Variants in COG6 observed in about 807,000 individuals in gnomAD.
COG6 encodes component of oligomeric golgi complex 6, also known as conserved oligomeric Golgi complex subunit 6.
A neutral mutation model predicts 88.8 loss-of-function variants in COG6; 74 were observed. The ratio of observed to expected loss-of-function variants is 0.83; its 90% confidence interval spans 0.69 to 1.01. COG6 has a LOEUF of 1.01. Ranked by LOEUF, COG6 falls within the 50% of genes least tolerant of loss-of-function variation. The pLI is 0.00. For synonymous variants in COG6, 286 were observed against 278.7 expected, an observed-to-expected ratio of 1.03 and a Z score of -0.26; for missense variants, 800 against 797.9, an observed-to-expected ratio of 1.00 and a Z score of -0.03.
Position 39,659,244 on chromosome 13 carries a change from T to C in COG6, c.154-120T>C, listed in dbSNP as rs1289663464. 3.3e-6 allele frequency: 3 copies of C among 900,422 alleles called. No individual in the cohort carries two copies. In the East Asian group the frequency reaches 7.9e-5, roughly 24 times the overall value. 55.8% of individuals were successfully genotyped at this position (900,422 alleles called of 1,614,324 possible). ...TCAGTAATTTGAAGGTCATTCAATA[T>C]TTTTCGGATTGGTTAATGAAAATAA... On this transcript the variant is annotated intron_variant, in intron 1 of 18. Coordinates refer to ENST00000455146, the MANE Select transcript of COG6 (RefSeq NM_020751.3).
Position 39,682,214 on chromosome 13 carries a change from A to C in COG6, c.738A>C (p.Pro246=). The change falls in exon 8 of 19, where the codon CCA becomes CCC. Residue 246 remains proline, a synonymous_variant. Coordinates refer to ENST00000455146, the MANE Select transcript of COG6 (RefSeq NM_020751.3). ...TLTQESCDVS[P]VLTQAMEALQ... The stretch of plus-strand genomic sequence containing the variant: ...CACAAGAATCATGTGACGTATCTCC[A>C]GTATTGACACAGGCAATGGAAGCCC... 4 of 1,612,924 alleles carry C rather than the reference A, an allele frequency of 2.5e-6. No individual in the cohort carries two copies. Among genetic ancestry groups the C allele is most frequent in the Non-Finnish European group, 3.4e-6 (4 of 1,178,996 alleles).
chr13:39,687,844 A>G (rs772332484), intron 10 of COG6, 45 bp downstream of exon 10: 4 of 1,307,034 alleles, frequency 3.1e-6, no homozygotes, highest in African/African-American at 1.5e-5. Flanking sequence ...ATAGAAAATA[A>G]CACAAGCATC....
chr13:39,680,469 A>C (rs1001908536), intron 7 of COG6, among the ~76,000 whole-genome samples: 1 of 152,252 alleles, frequency 6.6e-6, no homozygotes, highest in African/African-American at 2.4e-5. Context: ...AAATTATTAC[A>C]AACTGAGTGG....
At chr13:39,676,988 A>G (rs1323197561) in intron 4 of COG6, among the ~76,000 whole-genome samples, 2 of 152,212 alleles carry the variant, frequency 1.3e-5, no homozygotes, top group Admixed American at 6.5e-5. Context: ...GAGAATTAAT[A>G]AAGGAGTTCT....
At chr13:39,745,216 G>A (rs901043926) in intron 18 of COG6, among the ~76,000 whole-genome samples, 2 of 152,170 alleles carry the variant, frequency 1.3e-5, no homozygotes, top group Non-Finnish European at 2.9e-5. Context: ...AAAAGCAATG[G>A]CAACAAAAGC....
Position 39,723,315 on chromosome 13 carries a change from CT to C in COG6, c.1585-15del. On this transcript the variant is annotated splice_polypyrimidine_tract_variant and intron_variant, in intron 15 of 18. Coordinates refer to ENST00000455146, the MANE Select transcript of COG6 (RefSeq NM_020751.3). Reference sequence around the variant, plus strand: ...TGTCATTCTTCTTTTAAAATGTTTTCTTTGTGTTTTATTTTAGATCGAAGCA... The same window carrying C: ...TGTCATTCTTCTTTTAAAATGTTTTCTTGTGTTTTATTTTAGATCGAAGCA... 1 of 1,486,768 alleles carries C rather than the reference CT, an allele frequency of 6.7e-7. No homozygotes were observed. Among genetic ancestry groups the C allele is most frequent in the Non-Finnish European group, 9.4e-7 (1 of 1,064,768 alleles). The allele number at this position is 1,486,768 out of a possible 1,614,324, so 92.1% of individuals were successfully genotyped here.
chr13:39,775,563 G>C (rs1412341254), intron 18 of COG6, among the ~76,000 whole-genome samples: 1 of 152,108 alleles, frequency 6.6e-6, no homozygotes. Flanking sequence ...CTAAAACTGA[G>C]GGGGGTTGTA....
downstream of COG6, among the ~76,000 whole-genome samples, chr13:39,755,817 A>C (rs1880816982): frequency 1.3e-5 from 2 of 152,274 alleles, no homozygotes; most frequent in Non-Finnish European, 2.9e-5. Flanking sequence ...TAGGCATTCA[A>C]GGAACTCTTC....
chr13:39,739,362 T>G (rs1415957292), intron 18 of COG6, among the ~76,000 whole-genome samples: 1 of 152,076 alleles, frequency 6.6e-6, no homozygotes, highest in African/African-American at 2.4e-5. Flanking sequence ...ATATGCCCTT[T>G]ACAAGAGACC....
chr13:39,715,019 A>T (rs528844358), intron 13 of COG6, among the ~76,000 whole-genome samples: 1 of 152,272 alleles, frequency 6.6e-6, no homozygotes, highest in Non-Finnish European at 1.5e-5. Context: ...ACACAAAGGC[A>T]CACAGAGTGA....
At chr13:39,745,157 A>C (rs991742796) in intron 18 of COG6, among the ~76,000 whole-genome samples, 1 of 152,216 alleles carries the variant, frequency 6.6e-6, no homozygotes, top group Non-Finnish European at 1.5e-5. Flanking sequence ...AACTTAGCCA[A>C]TACCATTCAG....
chr13:39,699,458 T>G (rs911931392), intron 12 of COG6, 43 bp from the exon 13 acceptor site: 15 of 917,784 alleles, frequency 1.6e-5, no homozygotes, highest in Non-Finnish European at 2.7e-5. Context: ...AACTGTTTTG[T>G]TTCAGTTTCT....
chr13:39,728,216 T>A (rs1043732984), intron 18 of COG6, among the ~76,000 whole-genome samples: 2 of 152,170 alleles, frequency 1.3e-5, no homozygotes, highest in African/African-American at 2.4e-5. Flanking sequence ...ACATTTGCAC[T>A]GTTTTCACGG....
chr13:39,665,135 A>C lies in COG6; in HGVS notation c.409A>C (p.Thr137Pro). ...EQTQDLIVKT[T>P]KLQSESQKLE... is the part of the protein sequence containing the mutation. ...GACTCAAGATTTAATAGTAAAAACC[A>C]CTAAGCTTCAATCTGAAAGGTAAGT... The change falls in exon 4 of 19, where the codon ACT becomes CCT. Residue 137 changes from threonine (T) to proline (P), a missense_variant. Transcript: ENST00000455146. 6.5e-7 allele frequency: 1 copy of C among 1,534,306 alleles called. No homozygotes were observed. Among genetic ancestry groups the C allele is most frequent in the Non-Finnish European group, 9.0e-7 (1 of 1,108,178 alleles).
chr13:39,694,911 G>A (rs1231731502), intron 12 of COG6, among the ~76,000 whole-genome samples, 186 bp downstream of exon 12: 4 of 148,628 alleles, frequency 2.7e-5, no homozygotes, highest in Non-Finnish European at 6.0e-5. Flanking sequence ...ATGCCTTAAG[G>A]TCTATTATTT....
chr13:39,751,595 AAG>A lies in COG6; in HGVS notation c.*505_*506del, dbSNP rs1373668544. On this transcript the variant is annotated 3_prime_UTR_variant, in exon 19 of 19. Transcript: ENST00000455146. ...TCTGTCCCCAAAATAGCTGCCCTTA[AAG>A]AGTTGTTAGCAGAGAGAAAAATAAC... 1 of 1,287,130 alleles carries A rather than the reference AAG, an allele frequency of 7.8e-7. No individual in the cohort carries two copies. The highest frequency in any genetic ancestry group is 1.2e-5 in the South Asian group (1 of 80,922). The allele number at this position is 1,287,130 out of a possible 1,614,324, so 79.7% of individuals were successfully genotyped here.
rs151283539 is a variant in COG6 at position 39,788,513 on chromosome 13, G to C, written c.*157G>C. On this transcript the variant is annotated 3_prime_UTR_variant, in exon 19 of 19. Coordinates refer to the COG6 transcript ENST00000416691. ...CTACTCTGTGACTCTTCATCTGGTGGAAATGCTGTGAGGGATGAACCAAAT... is the reference window on the plus strand; with the variant it reads ...CTACTCTGTGACTCTTCATCTGGTGCAAATGCTGTGAGGGATGAACCAAAT... The C allele has an allele frequency of 4.0e-3, 2,662 of 672,496 alleles. 17 individuals are homozygous for C. Among genetic ancestry groups the C allele is most frequent in the Non-Finnish European group, 3.7e-3 (1,416 of 385,600 alleles). The allele number at this position is 672,496 out of a possible 1,614,324, so 41.7% of individuals were successfully genotyped here.
chr13:39,660,554 G>A (rs1000705341), intron 2 of COG6, among the ~76,000 whole-genome samples: 3 of 152,110 alleles, frequency 2.0e-5, no homozygotes, highest in Non-Finnish European at 4.4e-5. Flanking sequence ...GCAATAAAGG[G>A]ATATTCAGTT....
At chr13:39,670,406 T>G (rs969074476) in intron 4 of COG6, among the ~76,000 whole-genome samples, 1 of 152,086 alleles carries the variant, frequency 6.6e-6, no homozygotes, top group Admixed American at 6.5e-5. Flanking sequence ...TTTTTTAAGT[T>G]CAGTATGTTA....
Sources: allele counts gnomAD v4.1 joint callset (sites outside exome capture counted in the v4.1 genomes callset), GRCh38; gene constraint gnomAD v4.1.1; transcripts MANE v1.5; gene names NCBI Gene and HGNC (gene_info 2026-07-23, HGNC 2026-07-21).